The following RALGPS1 variants were observed in gnomAD, a reference collection of about 807,000 sequenced individuals.
The protein encoded by RALGPS1 is Ral GEF with PH domain and SH3 binding motif 1.
In RALGPS1, 19 loss-of-function variants were observed where a neutral mutation model predicts 78.8. The observed-to-expected ratio is 0.24, with a 90% CI of 0.17 to 0.35. The LOEUF is 0.35. Among genes scored for constraint, RALGPS1 ranks in the 10% least tolerant of loss-of-function variants. RALGPS1 has a pLI of 1.00. For synonymous variants in RALGPS1, 228 were observed against 256.3 expected (o/e 0.89, Z 1.06); for missense variants, 454 against 688.3 (o/e 0.66, Z 3.81).
At chr9:127,049,527 C>CA (rs1173908428) in intron 5 of RALGPS1, among the ~76,000 whole-genome samples, 6 of 152,142 alleles carry the variant, frequency 3.9e-5, no homozygotes, top group Non-Finnish European at 8.8e-5. Context: ...GGGCCTCTCC[C>CA]AAAAAATTAA....
intron 1 of RALGPS1, among the ~76,000 whole-genome samples, chr9:126,928,631 CG>C (rs1257498144): frequency 2.0e-5 from 3 of 151,710 alleles, no homozygotes; most frequent in African/African-American, 4.8e-5. Flanking sequence ...GATGGAGTCT[CG>C]CTCTTGTTGC....
chr9:127,206,023 C>A (rs1179015723), intron 14 of RALGPS1, among the ~76,000 whole-genome samples: 1 of 152,210 alleles, frequency 6.6e-6, no homozygotes, highest in Non-Finnish European at 1.5e-5. Context: ...TCAAAAATTG[C>A]TGCTAGAAGG....
Position 127,147,387 on chromosome 9 carries a change from C to T in RALGPS1, c.611-18682C>T, listed in dbSNP as rs1271221216. On this transcript the variant is annotated intron_variant, in intron 8 of 18. Transcript: ENST00000259351. ...CAGAAGCTCTTTAGTTTAATTAAGT[C>T]CTACTTGTCTATTTTTGTTTTTGCT... 2.6e-5 allele frequency among the ~76,000 whole-genome samples: 4 copies of T among 152,262 alleles called. 1 individual carries two copies. Among genetic ancestry groups the T allele is most frequent in the South Asian group, 4.1e-4 (2 of 4,826 alleles).
At chr9:127,098,673 C>G (rs1045719792) in intron 8 of RALGPS1, among the ~76,000 whole-genome samples, 2 of 152,154 alleles carry the variant, frequency 1.3e-5, no homozygotes, top group African/African-American at 2.4e-5. Flanking sequence ...CTTCCTTCCT[C>G]CTCTCTGGGG....
chr9:126,944,400 G>C (rs1018519321), intron 1 of RALGPS1, among the ~76,000 whole-genome samples: 1 of 151,442 alleles, frequency 6.6e-6, no homozygotes, highest in East Asian at 2.0e-4. Context: ...AAGACCCCCT[G>C]CTCCCTACAC....
intron 8 of RALGPS1, among the ~76,000 whole-genome samples, chr9:127,140,172 C>T (rs561596243): frequency 1.3e-5 from 2 of 152,254 alleles, no homozygotes; most frequent in South Asian, 4.1e-4. Context: ...TCTTCTTTAC[C>T]AAGGAAGCCA....
At chr9:127,127,041 T>A (rs1019034917) in intron 8 of RALGPS1, among the ~76,000 whole-genome samples, 2 of 152,188 alleles carry the variant, frequency 1.3e-5, no homozygotes, top group Non-Finnish European at 2.9e-5. Context: ...CTCCTTGGAG[T>A]CTCTCTACTT....
chr9:127,174,019 G>A (rs1270648084), intron 10 of RALGPS1, among the ~76,000 whole-genome samples: 1 of 152,010 alleles, frequency 6.6e-6, no homozygotes, highest in African/African-American at 2.4e-5. Flanking sequence ...TCTCAAAAAA[G>A]GGGAGGCCGA....
intron 8 of RALGPS1, among the ~76,000 whole-genome samples, chr9:127,105,526 A>G (rs2054135661): frequency 6.6e-6 from 1 of 152,222 alleles, no homozygotes; most frequent in Admixed American, 6.5e-5. Context: ...TCAAGATGCA[A>G]CAAAGAAGTG....
At chr9:127,164,043 G>A (rs2059160462) in intron 8 of RALGPS1, among the ~76,000 whole-genome samples, 1 of 151,922 alleles carries the variant, frequency 6.6e-6, no homozygotes, top group Non-Finnish European at 1.5e-5. Context: ...GTGTGTGCAT[G>A]CGTGTGTGTT....
In RALGPS1 at chr9:127,211,308, G is replaced by A. The variant is rs953690475; in HGVS notation, c.1248-823G>A. Among the ~76,000 whole-genome samples, 2 of 152,174 alleles carry A rather than the reference G, an allele frequency of 1.3e-5. No homozygotes were observed. The highest frequency in any genetic ancestry group is 2.9e-5 in the Non-Finnish European group (2 of 68,022). On this transcript the variant is annotated intron_variant, in intron 14 of 18. Coordinates refer to ENST00000259351, the MANE Select transcript of RALGPS1 (RefSeq NM_014636.3). The surrounding 1 kb of genome is among the most constrained non-coding windows in gnomAD (Gnocchi z 5.0). ...GAGGGGGAGGGTGGAGGCACTGGCC[G>A]GTGTGGACCCAGGAAGGCCCGTGGA...
chr9:126,915,987 GC>G (rs1422416713), intron 1 of RALGPS1, among the ~76,000 whole-genome samples: 1 of 152,180 alleles, frequency 6.6e-6, no homozygotes, highest in Non-Finnish European at 1.5e-5. Context: ...TTTTGACTAT[GC>G]TACCTGGGAG....
chr9:127,125,638 A>C (rs1032845161), intron 8 of RALGPS1, among the ~76,000 whole-genome samples: 2 of 151,972 alleles, frequency 1.3e-5, no homozygotes, highest in African/African-American at 4.8e-5. Flanking sequence ...TCCCACCCTG[A>C]TCCTCTCCAG....
intron 11 of RALGPS1, among the ~76,000 whole-genome samples, chr9:127,187,256 C>T (rs1334130896): frequency 2.6e-5 from 4 of 152,206 alleles, no homozygotes; most frequent in Non-Finnish European, 4.4e-5. Context: ...GGGTCTTACC[C>T]ACTACAGACT....
intron 8 of RALGPS1, among the ~76,000 whole-genome samples, chr9:127,074,592 G>A (rs910494043): frequency 2.6e-5 from 4 of 152,212 alleles, no homozygotes; most frequent in East Asian, 1.9e-4. Context: ...GGGTCATTAA[G>A]GATGGCCTCT....
At chr9:127,158,676 T>G (rs946784660) in intron 8 of RALGPS1, among the ~76,000 whole-genome samples, 1 of 152,152 alleles carries the variant, frequency 6.6e-6, no homozygotes, top group Non-Finnish European at 1.5e-5. Context: ...TTTTCTCGTT[T>G]CTTTTTTTTC....
At chr9:126,916,906 G>A (rs2034226758) in intron 1 of RALGPS1, among the ~76,000 whole-genome samples, 1 of 152,192 alleles carries the variant, frequency 6.6e-6, no homozygotes, top group Non-Finnish European at 1.5e-5. Context: ...TTTCAGAAGA[G>A]TGTTGTATAC....
intron 11 of RALGPS1, among the ~76,000 whole-genome samples, chr9:127,180,857 A>G (rs752940849): frequency 2.0e-5 from 3 of 152,252 alleles, no homozygotes; most frequent in Admixed American, 6.5e-5. Context: ...CTTCACTCAC[A>G]TGCTCAGTGC....
intron 10 of RALGPS1, among the ~76,000 whole-genome samples, chr9:127,174,297 AAGAG>A (rs375423416): frequency 2.0e-5 from 3 of 149,394 alleles, no homozygotes; most frequent in Non-Finnish European, 2.9e-5. Context: ...AAGAGAAAGA[AAGAG>A]AAAGAAAGAA....
Sources: gnomAD v4.1 joint callset for allele counts (sites outside exome capture counted in the v4.1 genomes callset) on GRCh38, gnomAD v4.1.1 for gene constraint, Gnocchi (gnomAD v3.1) non-coding constraint, MANE v1.5 for transcripts, NCBI Gene and HGNC (gene_info 2026-07-23, HGNC 2026-07-21) for gene names.